DGKG: variants seen among roughly 807,000 people sequenced by gnomAD.
DGKG encodes the protein diacylglycerol kinase gamma.
DGKG carries 78 observed loss-of-function variants against 105.3 expected under a neutral mutation model. The ratio of observed to expected loss-of-function variants is 0.74; its 90% CI spans 0.62 to 0.89. The LOEUF (loss-of-function observed/expected upper bound fraction) is 0.89, where lower values mean the gene tolerates loss of function less well. Ranked by LOEUF, DGKG falls within the 40% of genes least tolerant of loss-of-function variation. The pLI, the probability that DGKG is intolerant of heterozygous loss-of-function variation, is 0.00. For synonymous variants in DGKG, 346 were observed against 367.1 expected, an observed-to-expected ratio of 0.94 and a Z score of 0.66; for missense variants, 958 against 1,020.1, an observed-to-expected ratio of 0.94 and a Z score of 0.83.
In DGKG at chr3:186,361,429, T is replaced by C. The variant is rs1208593234; in HGVS notation, c.-249+517A>G. On this transcript the variant is annotated intron_variant, in intron 1 of 24. Coordinates refer to ENST00000265022, the MANE Select transcript of DGKG (RefSeq NM_001346.3). The surrounding 1 kb of genome is among the most constrained non-coding windows in gnomAD (Gnocchi z 6.8). ...CTTCCCTCCTTTATTCTCTGAGGTG[T>C]CCGTGTTCGCTTCAGCTTCCCTTTA... Among the ~76,000 whole-genome samples, 1 of 152,244 alleles carries C rather than the reference T, an allele frequency of 6.6e-6. No homozygotes were observed. Among genetic ancestry groups the C allele is most frequent in the South Asian group, 2.1e-4 (1 of 4,818 alleles).
chr3:186,311,676 C>T (rs939390008), intron 2 of DGKG, among the ~76,000 whole-genome samples: 2 of 152,178 alleles, frequency 1.3e-5, no homozygotes, highest in Non-Finnish European at 2.9e-5. Context: ...GCCCTACACA[C>T]AGACACCTTT....
chr3:186,269,855 G>A (rs986246404), intron 11 of DGKG, among the ~76,000 whole-genome samples: 1 of 152,170 alleles, frequency 6.6e-6, no homozygotes, highest in African/African-American at 2.4e-5. Flanking sequence ...TAGTGGGATT[G>A]TTTTTGTATG....
intron 5 of DGKG, among the ~76,000 whole-genome samples, chr3:186,295,479 T>C (rs912182860): frequency 1.3e-5 from 2 of 150,406 alleles, no homozygotes; most frequent in African/African-American, 4.9e-5. Flanking sequence ...TTCAGCCTGG[T>C]GACAGAGCGA....
chr3:186,255,589 G>T (rs904412715), intron 17 of DGKG, among the ~76,000 whole-genome samples: 1 of 152,226 alleles, frequency 6.6e-6, no homozygotes, highest in South Asian at 2.1e-4. Flanking sequence ...TGAGAGATGG[G>T]CCGGGACCTG....
chr3:186,233,110 G>A (rs1425981408), intron 20 of DGKG, among the ~76,000 whole-genome samples: 8 of 152,176 alleles, frequency 5.3e-5, no homozygotes, highest in Non-Finnish European at 1.2e-4. Flanking sequence ...GCAAAGGGGC[G>A]AAGGGGGAAT....
At chr3:186,280,769 T>C (rs1454854099) in intron 7 of DGKG, 25 bp from the exon 8 acceptor site, 1 of 1,597,004 alleles carries the variant, frequency 6.3e-7, no homozygotes, top group African/African-American at 1.3e-5. Context: ...AGGGAGAAAA[T>C]ATCAAAAGGA....
chr3:186,275,488 C>A, intron 10 of DGKG, 59 bp downstream of exon 10: 1 of 1,417,042 alleles, frequency 7.1e-7, no homozygotes, highest in South Asian at 1.2e-5. Flanking sequence ...ATGGATCAAC[C>A]AACCATGCGC....
intron 22 of DGKG, among the ~76,000 whole-genome samples, chr3:186,169,156 A>G (rs1716698349): frequency 6.6e-6 from 1 of 152,212 alleles, no homozygotes. Flanking sequence ...TATCTATATG[A>G]TGAAATTTTT....
At chr3:186,163,209 T>G (rs1294238041) in intron 23 of DGKG, among the ~76,000 whole-genome samples, 1 of 152,040 alleles carries the variant, frequency 6.6e-6, no homozygotes. Flanking sequence ...CTTGCTATGT[T>G]GCCCCTACTG....
intron 2 of DGKG, among the ~76,000 whole-genome samples, chr3:186,317,597 T>A (rs1724878021): frequency 6.6e-6 from 1 of 152,194 alleles, no homozygotes; most frequent in Non-Finnish European, 1.5e-5. Flanking sequence ...TCCTCCACCC[T>A]GCCCTGCCCT....
intron 1 of DGKG, among the ~76,000 whole-genome samples, chr3:186,343,006 T>C (rs1726155116): frequency 6.6e-6 from 1 of 151,856 alleles, no homozygotes; most frequent in South Asian, 2.1e-4. Context: ...ACGGAAAAAT[T>C]ATAATGTGAA....
At chr3:186,304,092 A>G (rs1724108118) in intron 3 of DGKG, among the ~76,000 whole-genome samples, 1 of 152,186 alleles carries the variant, frequency 6.6e-6, no homozygotes, top group African/African-American at 2.4e-5. Flanking sequence ...CTGCGTGCTC[A>G]TAGCAGCCAA....
intron 24 of DGKG, among the ~76,000 whole-genome samples, chr3:186,151,002 G>A (rs1361043415): frequency 2.6e-5 from 4 of 152,158 alleles, no homozygotes; most frequent in African/African-American, 7.2e-5. Flanking sequence ...AGAGTAGGAC[G>A]ATGAAGTGGG....
intron 21 of DGKG, among the ~76,000 whole-genome samples, chr3:186,209,808 C>T (rs554337382): frequency 9.9e-5 from 15 of 152,234 alleles, no homozygotes; most frequent in East Asian, 3.9e-4. Flanking sequence ...GACCATTCAC[C>T]GCTATTCTCT....
chr3:186,177,843 C>T (rs1371854674), intron 22 of DGKG, among the ~76,000 whole-genome samples: 1 of 152,202 alleles, frequency 6.6e-6, no homozygotes, highest in Non-Finnish European at 1.5e-5. Flanking sequence ...TAGCCCAACA[C>T]ATATTTGCTG....
chr3:186,244,762 C>T (rs1478307299), intron 19 of DGKG, among the ~76,000 whole-genome samples: 1 of 152,050 alleles, frequency 6.6e-6, no homozygotes, highest in Admixed American at 6.5e-5. Flanking sequence ...AGAGGCACCC[C>T]CATGGGTGCA....
intron 24 of DGKG, chr3:186,159,824 G>A (rs1373341558): frequency 6.6e-6 from 1 of 152,226 alleles, no homozygotes; most frequent in Non-Finnish European, 1.5e-5. Flanking sequence ...CTTTAAGGAG[G>A]TAATAACGGA....
At chr3:186,358,443 T>C (rs937674928) in intron 1 of DGKG, among the ~76,000 whole-genome samples, 1 of 152,060 alleles carries the variant, frequency 6.6e-6, no homozygotes, top group Admixed American at 6.6e-5. Context: ...AGAGGTGGCT[T>C]GGAGATCAAC....
intron 1 of DGKG, among the ~76,000 whole-genome samples, chr3:186,347,648 A>G (rs1310437447): frequency 1.1e-4 from 17 of 151,772 alleles, no homozygotes; most frequent in Non-Finnish European, 8.8e-5. Flanking sequence ...CAGTGGCACA[A>G]TCTTGGCTCA....
Sources: allele counts gnomAD v4.1 joint callset (sites outside exome capture counted in the v4.1 genomes callset), GRCh38; gene constraint gnomAD v4.1.1; non-coding constraint Gnocchi (gnomAD v3.1); transcripts MANE v1.5; gene names NCBI Gene and HGNC (gene_info 2026-07-23, HGNC 2026-07-21).